Variants in NCKAP5L observed in about 807,000 individuals in gnomAD.
NCKAP5L encodes the protein nck-associated protein 5-like.
A neutral mutation model predicts 103.2 loss-of-function variants in NCKAP5L; 54 were observed. The observed-to-expected ratio is 0.52, with a 90% CI of 0.42 to 0.66. The LOEUF (loss-of-function observed/expected upper bound fraction) is 0.66, where lower values mean the gene tolerates loss of function less well. Ranked by LOEUF, NCKAP5L falls within the 30% of genes least tolerant of loss-of-function variation. The pLI is 0.00. For synonymous variants in NCKAP5L, 762 were observed against 748.6 expected, an observed-to-expected ratio of 1.02 and a Z score of -0.29; for missense variants, 1,733 against 1,750.6, an observed-to-expected ratio of 0.99 and a Z score of 0.18.
intron 1 of NCKAP5L, among the ~76,000 whole-genome samples, chr12:49,822,555 T>A (rs991545655): frequency 5.3e-5 from 8 of 151,660 alleles, no homozygotes; most frequent in Non-Finnish European, 8.8e-5. Flanking sequence ...GAGATTTTTT[T>A]TTTTTTTTTT....
At chr12:49,817,867 G>A (rs1946315787) in intron 1 of NCKAP5L, among the ~76,000 whole-genome samples, 1 of 152,184 alleles carries the variant, frequency 6.6e-6, no homozygotes, top group Non-Finnish European at 1.5e-5. Context: ...CAGTGCTCAT[G>A]CCTATCATCC....
At chr12:49,817,534 A>G (rs754659390) in intron 1 of NCKAP5L, among the ~76,000 whole-genome samples, 1 of 149,094 alleles carries the variant, frequency 6.7e-6, no homozygotes, top group Non-Finnish European at 1.5e-5. Context: ...CAAAAGAACA[A>G]ACTTGGAGGC....
rs1427777026 is a variant in NCKAP5L, at chr12:49,797,529, A to G, written c.466-135T>C. 1.5e-6 allele frequency: 1 copy of G among 659,848 alleles called. No individual in the cohort carries two copies. The highest frequency in any genetic ancestry group is 2.6e-6 in the Non-Finnish European group (1 of 389,978). 40.9% of individuals were successfully genotyped at this position (659,848 alleles called of 1,614,324 possible). ...TGGTTGTGTCTGTGTCCCCAAAAGG[A>G]ATTAACAGCAACTGGGATATGATGG... On this transcript the variant is annotated intron_variant, in intron 7 of 12. Transcript: ENST00000335999. This position sits in a 1 kb window ranked among gnomAD's most constrained non-coding sequence, Gnocchi z 4.5.
Position 49,795,544 on chromosome 12 carries a change from G to A in NCKAP5L, c.2316C>T (p.Leu772=), listed in dbSNP as rs1237553889. 6.5e-7 allele frequency: 1 copy of A among 1,535,492 alleles called. No homozygotes were observed. Residue 772 remains leucine, a synonymous_variant, in exon 8 of 13, where the codon CTC becomes CTT. Coordinates refer to ENST00000335999, the MANE Select transcript of NCKAP5L (RefSeq NM_001037806.4). ...DLEPVSPRSC[L]TKVELAKSRL... ...GGCTCTTGGCCAGCTCCACTTTGGTGAGGCAGCTCCTTGGTGAGACAGGCT... is the reference window on the plus strand; with the variant it reads ...GGCTCTTGGCCAGCTCCACTTTGGTAAGGCAGCTCCTTGGTGAGACAGGCT...
At chr12:49,798,287 C>T in intron 7 of NCKAP5L, 63 bp downstream of exon 7, 2 of 1,402,318 alleles carry the variant, frequency 1.4e-6, no homozygotes, top group South Asian at 2.5e-5. Context: ...GGAAACAGCC[C>T]TTCTCCAGAT....
chr12:49,792,011 C>T lies in NCKAP5L; in HGVS notation c.3833G>A (p.Arg1278His), dbSNP rs565670844. 15 of 1,572,880 alleles carry T rather than the reference C, an allele frequency of 9.5e-6. No homozygotes were observed. The African/African-American group carries it at 1.1e-4, about 11-fold the overall frequency. The change falls in exon 13 of 13, where the codon CGC (arginine) becomes CAC (histidine). Residue 1278 changes from arginine to histidine, a missense_variant. Arg to His is a conservative substitution (Grantham distance 29). Coordinates refer to ENST00000335999, the MANE Select transcript of NCKAP5L (RefSeq NM_001037806.4). The surrounding 1 kb of genome is among the most constrained non-coding windows in gnomAD (Gnocchi z 4.5). ...VDRKRSQEPS[R>H]PSPTPQGPPF... is the part of the protein sequence containing the mutation. ...TGGGCCCTGGGGCGTAGGGGACGGGCGGCTGGGCTCCTGGCTTCGCTTCCG... is the reference window on the plus strand; with the variant it reads ...TGGGCCCTGGGGCGTAGGGGACGGGTGGCTGGGCTCCTGGCTTCGCTTCCG...
Position 49,798,344 on chromosome 12 carries a change from T to C in NCKAP5L, c.465+6A>G. On this transcript the variant is annotated splice_donor_region_variant and intron_variant, in intron 7 of 12. Coordinates refer to ENST00000335999, the MANE Select transcript of NCKAP5L (RefSeq NM_001037806.4). ...GAGTACTGACCACAATACCTAGCCC[T>C]CCTACCTCTCTCTGCCCAGCACAGT... The C allele has an allele frequency of 6.4e-7, 1 of 1,553,278 alleles. No individual in the cohort carries two copies. Among genetic ancestry groups the C allele is most frequent in the Non-Finnish European group, 8.7e-7 (1 of 1,147,134 alleles).
In NCKAP5L at chr12:49,792,061, G is replaced by A; in HGVS notation, c.3793-10C>T. 6.6e-7 allele frequency: 1 copy of A among 1,525,140 alleles called. No individual in the cohort carries two copies. The highest frequency in any genetic ancestry group is 8.8e-7 in the Non-Finnish European group (1 of 1,141,246). The allele number at this position is 1,525,140 out of a possible 1,614,324, so 94.5% of individuals were successfully genotyped here. ...GGTCCACGGGCAGGGCCTGGGAAAG[G>A]AGGGGCAGCTCGGGAGGAAGCTCCT... On this transcript the variant is annotated splice_polypyrimidine_tract_variant and intron_variant, in intron 12 of 12. Transcript: ENST00000335999. This position sits in a 1 kb window ranked among gnomAD's most constrained non-coding sequence, Gnocchi z 4.5.
Position 49,804,097 on chromosome 12 carries a change from G to T in NCKAP5L, c.-36-17C>A. The T allele has an allele frequency of 6.3e-7, 1 of 1,596,594 alleles. No individual in the cohort carries two copies. The highest frequency in any genetic ancestry group is 8.5e-7 in the Non-Finnish European group (1 of 1,177,078). On this transcript the variant is annotated splice_polypyrimidine_tract_variant and intron_variant, in intron 2 of 12. Transcript: ENST00000335999. ...CCCGGCAGGCTACTCCAGGGAATGA[G>T]GAGGAAGTGAGAAGGAGGAGGACAA...
chr12:49,795,315 G>A lies in NCKAP5L; in HGVS notation c.2545C>T (p.Pro849Ser), dbSNP rs1316135991. 4 of 1,530,252 alleles carry A rather than the reference G, an allele frequency of 2.6e-6. No individual in the cohort carries two copies. The African/African-American group carries it at 5.6e-5, about 21-fold the overall frequency. The allele number at this position is 1,530,252 out of a possible 1,614,324, so 94.8% of individuals were successfully genotyped here. A position where few individuals can be genotyped will look rare whatever the true frequency, so the allele number is the denominator to read the frequency against. The stretch of plus-strand genomic sequence containing the variant: ...GTGGTACTACCACAGTCTGCCCAGG[G>A]AGGGCCCTTCCCTTTGTCAGGCTTG... ...SPKPDKGKGP[P>S]WADCGSTTAQ... The change falls in exon 8 of 13, where the codon CCC becomes TCC. Residue 849 changes from proline to serine, a missense_variant. By Grantham distance (74) the Pro-to-Ser change is moderately conservative (BLOSUM62 -1). Transcript: ENST00000335999.
chr12:49,812,892 AT>A (rs1946256383), intron 1 of NCKAP5L, among the ~76,000 whole-genome samples: 1 of 151,872 alleles, frequency 6.6e-6, no homozygotes, highest in African/African-American at 2.4e-5. Context: ...AGTCCCTTAT[AT>A]AAAAAATGGT....
intron 8 of NCKAP5L, among the ~76,000 whole-genome samples, chr12:49,794,331 A>C (rs1244777315): frequency 6.6e-6 from 1 of 152,152 alleles, no homozygotes; most frequent in African/African-American, 2.4e-5. Context: ...AGACAGAGCA[A>C]CCCCAAGATG....
chr12:49,796,464 C>T lies in NCKAP5L; in HGVS notation c.1396G>A (p.Glu466Lys), dbSNP rs1946046649. 2 of 1,532,888 alleles carry T rather than the reference C, an allele frequency of 1.3e-6. No homozygotes were observed. The highest frequency in any genetic ancestry group is 2.3e-5 in the East Asian group (1 of 44,000). The allele number at this position is 1,532,888 out of a possible 1,614,324, so 95.0% of individuals were successfully genotyped here. ...LKFLKLPPTS[E>K]KSPSPGGPQL... The stretch of plus-strand genomic sequence containing the variant: ...GGGCCTCCTGGGCTGGGGCTCTTCT[C>T]CGAGGTTGGAGGCAGCTTTAGAAAC... Residue 466 changes from glutamate (E) to lysine (K), a missense_variant, in exon 8 of 13, where the codon GAG (glutamate) becomes AAG (lysine). Coordinates refer to ENST00000335999, the MANE Select transcript of NCKAP5L (RefSeq NM_001037806.4).
In NCKAP5L at chr12:49,791,222, A is replaced by C. The variant is rs1421867860; in HGVS notation, c.*617T>G. 1 of 152,724 alleles carries C rather than the reference A, an allele frequency of 6.5e-6. No homozygotes were observed. Among genetic ancestry groups the C allele is most frequent in the Non-Finnish European group, 1.5e-5 (1 of 68,408 alleles). 9.5% of individuals were successfully genotyped at this position (152,724 alleles called of 1,614,324 possible). A position where few individuals can be genotyped will look rare whatever the true frequency, so the allele number is the denominator to read the frequency against. On this transcript the variant is annotated 3_prime_UTR_variant, in exon 13 of 13. Transcript: ENST00000335999. ...GAAGCAGAGCAGCCGCATTTTAAAC[A>C]ACACATAAATTAACCGCAGTGCGGG...
chr12:49,824,895 C>T (rs1157367552), intron 1 of NCKAP5L, among the ~76,000 whole-genome samples: 4 of 152,218 alleles, frequency 2.6e-5, no homozygotes, highest in Admixed American at 2.6e-4. Flanking sequence ...TGACCAGAGC[C>T]CCTGGAGGGT....
chr12:49,818,621 A>G (rs1592761494), intron 1 of NCKAP5L, among the ~76,000 whole-genome samples: 2 of 152,112 alleles, frequency 1.3e-5, no homozygotes, highest in East Asian at 1.9e-4. Flanking sequence ...TCTCCCTCCC[A>G]AAGTGCTGGG....
In NCKAP5L at chr12:49,796,869, G is replaced by T. The variant is rs1474241006; in HGVS notation, c.991C>A (p.Leu331Ile). 6.2e-7 allele frequency: 1 copy of T among 1,612,642 alleles called. No homozygotes were observed. The highest frequency in any genetic ancestry group is 8.5e-7 in the Non-Finnish European group (1 of 1,179,674). ...LARRQLNLGQ[L>I]LEDTESYLQA... Reference sequence around the variant, plus strand: ...AGGTAAGACTCTGTGTCCTCAAGGAGCTGGCCCAGGTTCAACTGTCTGCGG... The same window carrying T: ...AGGTAAGACTCTGTGTCCTCAAGGATCTGGCCCAGGTTCAACTGTCTGCGG... The change falls in exon 8 of 13, where the codon CTC (leucine) becomes ATC (isoleucine). Residue 331 changes from leucine (L) to isoleucine (I), a missense_variant. Coordinates refer to ENST00000335999, the MANE Select transcript of NCKAP5L (RefSeq NM_001037806.4).
Position 49,795,618 on chromosome 12 carries a change from C to T in NCKAP5L, c.2242G>A (p.Gly748Arg), listed in dbSNP as rs758647760. The T allele has an allele frequency of 1.1e-5, 18 of 1,601,826 alleles. No homozygotes were observed. Among genetic ancestry groups the T allele is most frequent in the East Asian group, 4.5e-5 (2 of 44,800 alleles). Reference sequence around the variant, plus strand: ...GAGTGAGAGGAGTAGACTCGGGCCCCGGGATCCCCCATAAGTCCAGGTTCC... The same window carrying T: ...GAGTGAGAGGAGTAGACTCGGGCCCTGGGATCCCCCATAAGTCCAGGTTCC... ...QQEPGLMGDP[G>R]ARVYSSHSMG... Residue 748 changes from glycine (G) to arginine (R), a missense_variant, in exon 8 of 13, where the codon GGG (glycine) becomes AGG (arginine). Transcript: ENST00000335999.
chr12:49,798,246 A>G, intron 7 of NCKAP5L, 104 bp downstream of exon 7: 1 of 1,105,654 alleles, frequency 9.0e-7, no homozygotes, highest in Non-Finnish European at 1.3e-6. Flanking sequence ...GGCTGCTCAC[A>G]CTTCCAGCCT....
Sources: gnomAD v4.1 joint callset for allele counts (sites outside exome capture counted in the v4.1 genomes callset) on GRCh38, gnomAD v4.1.1 for gene constraint, Gnocchi (gnomAD v3.1) non-coding constraint, MANE v1.5 for transcripts, NCBI Gene and HGNC (gene_info 2026-07-23, HGNC 2026-07-21) for gene names.